Variants in MAD1L1 observed in about 807,000 individuals in gnomAD.
MAD1L1 encodes mitotic spindle assembly checkpoint protein MAD1.
Under a neutral mutation model 96.9 loss-of-function variants are expected in MAD1L1, and 95 were observed. The ratio of observed to expected loss-of-function variants is 0.98; its 90% CI spans 0.83 to 1.16. The LOEUF is 1.16. MAD1L1 is among the 50% of genes most tolerant of loss of function. The pLI is 0.00. For synonymous variants in MAD1L1, 473 were observed against 396.6 expected, an observed-to-expected ratio of 1.19 and a Z score of -2.29; for missense variants, 1,007 against 954.4, an observed-to-expected ratio of 1.06 and a Z score of -0.73.
intron 11 of MAD1L1, among the ~76,000 whole-genome samples, chr7:2,084,375 TG>T (rs912865661): frequency 6.6e-6 from 1 of 152,186 alleles, no homozygotes; most frequent in African/African-American, 2.4e-5. Context: ...CTTCACTTGC[TG>T]GGAGCAGAGC....
chr7:2,106,251 G>A (rs1304256613), intron 11 of MAD1L1, among the ~76,000 whole-genome samples: 3 of 152,094 alleles, frequency 2.0e-5, no homozygotes, highest in Non-Finnish European at 2.9e-5. Context: ...CGTGAAAGGT[G>A]CGAGCACGGC....
chr7:1,880,783 G>T (rs141506665), intron 18 of MAD1L1, among the ~76,000 whole-genome samples: 1 of 152,336 alleles, frequency 6.6e-6, no homozygotes, highest in African/African-American at 2.4e-5. Context: ...TGGAGGCAGG[G>T]ATCTCACTGC....
At chr7:1,819,808 TGTG>T (rs1369512409) in intron 18 of MAD1L1, among the ~76,000 whole-genome samples, 1 of 151,828 alleles carries the variant, frequency 6.6e-6, no homozygotes, top group South Asian at 2.1e-4. Flanking sequence ...AACCGCAGGA[TGTG>T]GTGGGGCTCG....
chr7:1,964,261 G>A (rs746552724), intron 15 of MAD1L1, among the ~76,000 whole-genome samples: 12 of 152,186 alleles, frequency 7.9e-5, no homozygotes, highest in Non-Finnish European at 1.3e-4. Context: ...GGGAGACGCT[G>A]GATGAAAAGG....
At chr7:1,893,515 G>A (rs1196949065) in intron 18 of MAD1L1, among the ~76,000 whole-genome samples, 1 of 152,186 alleles carries the variant, frequency 6.6e-6, no homozygotes, top group African/African-American at 2.4e-5. Flanking sequence ...CGGGAGCCAC[G>A]TATGCCAGCC....
chr7:1,891,679 C>G (rs1301400803), intron 18 of MAD1L1, among the ~76,000 whole-genome samples: 1 of 152,156 alleles, frequency 6.6e-6, no homozygotes, highest in Non-Finnish European at 1.5e-5. Flanking sequence ...TCCTGGGGCT[C>G]AAGTAATTCT....
intron 11 of MAD1L1, among the ~76,000 whole-genome samples, chr7:2,105,538 T>G (rs1017355714): frequency 2.6e-5 from 4 of 152,082 alleles, no homozygotes; most frequent in African/African-American, 9.7e-5. Context: ...GTCTGCTTTG[T>G]GGCTGCTCCT....
chr7:1,884,737 G>A (rs908863068), intron 18 of MAD1L1, among the ~76,000 whole-genome samples: 3 of 152,182 alleles, frequency 2.0e-5, no homozygotes, highest in Non-Finnish European at 2.9e-5. Context: ...AGCGGACCAC[G>A]CCTGCGCCCT....
At chr7:1,946,703 C>T (rs1182152962) in intron 16 of MAD1L1, among the ~76,000 whole-genome samples, 5 of 152,236 alleles carry the variant, frequency 3.3e-5, no homozygotes, top group Admixed American at 1.3e-4. Context: ...GGTCCCCGGC[C>T]ACTTGCAGGC....
chr7:1,904,427 C>T (rs1787487870), intron 17 of MAD1L1, among the ~76,000 whole-genome samples: 1 of 140,956 alleles, frequency 7.1e-6, no homozygotes, highest in African/African-American at 3.0e-5. Flanking sequence ...GACACAGTGG[C>T]CTATGAAAGA....
At chr7:1,933,854 C>A (rs2128462324) in intron 17 of MAD1L1, among the ~76,000 whole-genome samples, 1 of 152,276 alleles carries the variant, frequency 6.6e-6, no homozygotes, top group Non-Finnish European at 1.5e-5. Flanking sequence ...TCAGTGGCAT[C>A]CCTCCCCTAA....
chr7:1,899,020 G>A (rs6460995), intron 17 of MAD1L1, among the ~76,000 whole-genome samples: 15,237 of 152,184 alleles, frequency 0.1, 2,492 homozygotes, highest in African/African-American at 0.34. Flanking sequence ...CTACTGCCCC[G>A]GGGCTTTACC....
chr7:2,179,270 C>T (rs1791079106), intron 10 of MAD1L1, among the ~76,000 whole-genome samples: 1 of 152,208 alleles, frequency 6.6e-6, no homozygotes, highest in Non-Finnish European at 1.5e-5. Flanking sequence ...TGGCTCATGC[C>T]TGTAATCCCA....
At chr7:2,109,066 C>T (rs1310901084) in intron 11 of MAD1L1, among the ~76,000 whole-genome samples, 2 of 152,274 alleles carry the variant, frequency 1.3e-5, no homozygotes, top group Non-Finnish European at 2.9e-5. Flanking sequence ...CGCTCTGCAG[C>T]TCAGAGCTGC....
chr7:1,902,989 C>T (rs775332287), intron 17 of MAD1L1, among the ~76,000 whole-genome samples: 9 of 150,702 alleles, frequency 6.0e-5, no homozygotes, highest in East Asian at 2.0e-4. Flanking sequence ...CTACAGAAGA[C>T]GCTCTTGCGG....
rs568928326 is a variant in MAD1L1, at chr7:2,217,659, C to T, written c.678+303G>A. Among the ~76,000 whole-genome samples, 4 of 152,352 alleles carry T rather than the reference C, an allele frequency of 2.6e-5. No individual in the cohort carries two copies. The East Asian group carries it at 7.7e-4, about 29-fold the overall frequency. On this transcript the variant is annotated intron_variant, in intron 7 of 18. Coordinates refer to ENST00000265854, the MANE Select transcript of MAD1L1 (RefSeq NM_001013836.2). ...TGCAACTGTGGGCAGCTTTCTCAAC[C>T]TCTCTATGCCTGTAGCATCTTCTCA... is the stretch of plus-strand genomic sequence containing the variant.
At chr7:1,940,988 TCCCAGGCCTCAGCCTCCTCTTCCTC>T (rs1239161024) in intron 16 of MAD1L1, among the ~76,000 whole-genome samples, 9 of 124,510 alleles carry the variant, frequency 7.2e-5, no homozygotes, top group South Asian at 2.4e-4. Flanking sequence ...CCTCTTCCTC[TCCCAGGCCTCAGCCTCCTCTTCCTC>T]CCCAGGCTTC....
intron 17 of MAD1L1, among the ~76,000 whole-genome samples, chr7:1,925,537 G>C (rs919939425): frequency 6.6e-6 from 1 of 152,186 alleles, no homozygotes; most frequent in African/African-American, 2.4e-5. Context: ...GATACAGAGA[G>C]CCAACTAACA....
Position 2,037,605 on chromosome 7 carries a change from C to T in MAD1L1, c.1219-22963G>A, listed in dbSNP as rs145909948. On this transcript the variant is annotated intron_variant, in intron 12 of 18. Coordinates refer to ENST00000265854, the MANE Select transcript of MAD1L1 (RefSeq NM_001013836.2). ...TCTGGGGCGCCACGTCCTGACTGTA[C>T]TTCCGACATTGCATCACTGTTATGT... is the stretch of plus-strand genomic sequence containing the variant. Among the ~76,000 whole-genome samples the T allele has an allele frequency of 8.5e-5, 13 of 152,312 alleles. No individual in the cohort carries two copies. The East Asian group carries it at 2.3e-3, about 27-fold the overall frequency.
Sources: gnomAD v4.1 joint callset for allele counts (sites outside exome capture counted in the v4.1 genomes callset) on GRCh38, gnomAD v4.1.1 for gene constraint, MANE v1.5 for transcripts, NCBI Gene and HGNC (gene_info 2026-07-23, HGNC 2026-07-21) for gene names.